The following COMP variants were observed in gnomAD, a reference collection of about 807,000 sequenced individuals.
COMP encodes cartilage oligomeric matrix protein (pseudoachondroplasia, epiphyseal dysplasia 1, multiple).
Under a neutral mutation model 95.8 loss-of-function variants are expected in COMP, and 79 were observed. That is an observed-to-expected ratio of 0.82 (90% CI 0.69 to 0.99). The LOEUF (loss-of-function observed/expected upper bound fraction) is 0.99. Ranked by LOEUF, COMP falls within the 50% of genes least tolerant of loss-of-function variation. COMP has a pLI of 0.00. For synonymous variants in COMP, 438 were observed against 433.9 expected (o/e 1.01, Z -0.12); for missense variants, 906 against 1,076.1 (o/e 0.84, Z 2.21).
Position 18,789,338 on chromosome 19 carries a change from C to G in COMP, c.391-41G>C. ...CCACAGAGGGTCAGAGGGCTTCGAG[C>G]TGGGCCCTGGGGGCCGCACCTCGTA... is the stretch of plus-strand genomic sequence containing the variant. On this transcript the variant is annotated intron_variant, in intron 4 of 18. Transcript: ENST00000222271. This position sits in a 1 kb window ranked among gnomAD's most constrained non-coding sequence, Gnocchi z 6.1. The G allele has an allele frequency of 7.0e-7, 1 of 1,433,170 alleles. No individual in the cohort carries two copies. The highest frequency in any genetic ancestry group is 9.2e-7 in the Non-Finnish European group (1 of 1,092,076). 88.8% of individuals were successfully genotyped at this position (1,433,170 alleles called of 1,614,324 possible).
chr19:18,788,551 G>A lies in COMP; in HGVS notation c.763-37C>T, dbSNP rs951990568. 18 of 1,555,990 alleles carry A rather than the reference G, an allele frequency of 1.2e-5. No individual in the cohort carries two copies. Among genetic ancestry groups the A allele is most frequent in the East Asian group, 2.4e-5 (1 of 41,130 alleles). ...TGTAAGTGGGTGCCCTGGAGTGGCC[G>A]CCACCCAACCCCGCCTCAAGCCCAG... On this transcript the variant is annotated intron_variant, in intron 7 of 18. Transcript: ENST00000222271. This position sits in a 1 kb window ranked among gnomAD's most constrained non-coding sequence, Gnocchi z 4.7.
At chr19:18,787,762 C>T (rs949273105) in intron 9 of COMP, 112 bp from the exon 10 acceptor site, 5 of 1,464,104 alleles carry the variant, frequency 3.4e-6, no homozygotes, top group Non-Finnish European at 3.8e-6. Flanking sequence ...CCTTTCGCCC[C>T]TCCTAGACCA....
Position 18,782,813 on chromosome 19 carries a change from C to A in COMP, c.*102G>T. Reference sequence around the variant, plus strand: ...TTTATTTTGTCCTCTCTGAGCCCTTCTCACTTCCCCCTCAGGACGGCCACC... The same window carrying A: ...TTTATTTTGTCCTCTCTGAGCCCTTATCACTTCCCCCTCAGGACGGCCACC... On this transcript the variant is annotated 3_prime_UTR_variant, in exon 19 of 19. Transcript: ENST00000222271. The A allele has an allele frequency of 7.5e-7, 1 of 1,339,256 alleles. No homozygotes were observed. Among genetic ancestry groups the A allele is most frequent in the Non-Finnish European group, 1.1e-6 (1 of 947,622 alleles). 83.0% of individuals were successfully genotyped at this position (1,339,256 alleles called of 1,614,324 possible).
rs986984082 is a variant in COMP at position 18,784,585 on chromosome 19, G to A, written c.1915-222C>T. Among the ~76,000 whole-genome samples the A allele has an allele frequency of 6.6e-6, 1 of 152,136 alleles. No individual in the cohort carries two copies. Among genetic ancestry groups the A allele is most frequent in the Non-Finnish European group, 1.5e-5 (1 of 68,024 alleles). On this transcript the variant is annotated intron_variant, in intron 16 of 18. Coordinates refer to ENST00000222271, the MANE Select transcript of COMP (RefSeq NM_000095.3). This position sits in a 1 kb window ranked among gnomAD's most constrained non-coding sequence, Gnocchi z 4.9. The stretch of plus-strand genomic sequence containing the variant: ...GGTTCATGAGAGGATTTGGGAGTCC[G>A]TGGACAGATTCAGGGTCTGGGAGGA...
Position 18,787,732 on chromosome 19 carries a change from C to T in COMP, c.976-82G>A, listed in dbSNP as rs1400693223. The T allele has an allele frequency of 2.5e-6, 4 of 1,580,742 alleles. No individual in the cohort carries two copies. The African/African-American group carries it at 5.4e-5, about 21-fold the overall frequency. On this transcript the variant is annotated intron_variant, in intron 9 of 18. Transcript: ENST00000222271. ...CCTCAGATTCCCAAATCTCCGAGGA[C>T]GCGTCTCCTCCTCAAGGAACCTTTC... is the stretch of plus-strand genomic sequence containing the variant.
At chr19:18,787,417 C>G (rs369968743) in intron 10 of COMP, 74 bp downstream of exon 10, 6 of 1,594,370 alleles carry the variant, frequency 3.8e-6, no homozygotes, top group Non-Finnish European at 5.1e-6. Context: ...ACCAGCCAAG[C>G]CCCGCCCCGG....
chr19:18,785,243 C>G (rs897441064), intron 15 of COMP, 151 bp from the exon 16 acceptor site: 63 of 922,654 alleles, frequency 6.8e-5, no homozygotes, highest in South Asian at 5.2e-4. Context: ...GCCACGCCCC[C>G]CATCTACCAT....
At position 18,786,664 on chromosome 19, in the gene COMP, C is replaced by T. The variant is rs968379251; in HGVS notation, c.1136-14G>A. 8.1e-6 allele frequency: 13 copies of T among 1,601,842 alleles called. No homozygotes were observed. The African/African-American group carries it at 1.2e-4, about 15-fold the overall frequency. ...GGTTGCGGATCCCTGCAGAAATCCA[C>T]GGGACCAGAGCCCCAAGATTGGGAC... On this transcript the variant is annotated splice_polypyrimidine_tract_variant and intron_variant, in intron 10 of 18. Coordinates refer to ENST00000222271, the MANE Select transcript of COMP (RefSeq NM_000095.3).
chr19:18,788,075 TG>T lies in COMP; in HGVS notation c.975+136del, dbSNP rs1419909234. 3 of 753,320 alleles carry T rather than the reference TG, an allele frequency of 4.0e-6. No individual in the cohort carries two copies. In the African/African-American group the frequency reaches 5.2e-5, roughly 13 times the overall value. The allele number at this position is 753,320 out of a possible 1,614,324, so 46.7% of individuals were successfully genotyped here. A position where few individuals can be genotyped will look rare whatever the true frequency, so the allele number is the denominator to read the frequency against. On this transcript the variant is annotated intron_variant, in intron 9 of 18. Coordinates refer to ENST00000222271, the MANE Select transcript of COMP (RefSeq NM_000095.3). The surrounding 1 kb of genome is among the most constrained non-coding windows in gnomAD (Gnocchi z 4.7). ...TGCACCACCACGCCCCGCTAATTTTTGTATTTTTAGTAGAGGAGGGGTTTCA... is the reference window on the plus strand; with the variant it reads ...TGCACCACCACGCCCCGCTAATTTTTTATTTTTAGTAGAGGAGGGGTTTCA...
In COMP at chr19:18,788,395, T is replaced by TC; in HGVS notation, c.867+14dup. On this transcript the variant is annotated intron_variant, in intron 8 of 18. Coordinates refer to ENST00000222271, the MANE Select transcript of COMP (RefSeq NM_000095.3). The surrounding 1 kb of genome is among the most constrained non-coding windows in gnomAD (Gnocchi z 4.7). Reference sequence around the variant, plus strand: ...TCCCTCCTGCCCAAGCCCGCCCCGCTCCGCCCCCACCCACCTTACGGCACT... The same window carrying TC: ...TCCCTCCTGCCCAAGCCCGCCCCGCTCCCGCCCCCACCCACCTTACGGCACT... 1 of 801,126 alleles carries TC rather than the reference T, an allele frequency of 1.2e-6. No homozygotes were observed. 49.6% of individuals were successfully genotyped at this position (801,126 alleles called of 1,614,324 possible).
rs768139579 is a variant in COMP, at chr19:18,782,918, G to C, written c.2271C>G (p.Ala757=). ...CGGCGGGTCCTCACCCTGGTCCCTA[G>C]GCTTGCCGCAGCTGATGGGTCTCAT... ...EDYETHQLRQ[A] is the part of the protein sequence containing the mutation. Residue 757 remains alanine (A), a synonymous_variant, in exon 19 of 19, where the codon GCC becomes GCG. Transcript: ENST00000222271. 2 of 1,611,736 alleles carry C rather than the reference G, an allele frequency of 1.2e-6. No individual in the cohort carries two copies. The highest frequency in any genetic ancestry group is 1.7e-6 in the Non-Finnish European group (2 of 1,179,986).
chr19:18,788,000 T>C (rs1234677451), intron 9 of COMP, among the ~76,000 whole-genome samples: 1 of 150,444 alleles, frequency 6.6e-6, no homozygotes, highest in African/African-American at 2.5e-5. Flanking sequence ...GCCTCCCGGG[T>C]TCAAGCGATT....
chr19:18,785,162 C>G, intron 15 of COMP, 70 bp from the exon 16 acceptor site: 1 of 1,457,194 alleles, frequency 6.9e-7, no homozygotes, highest in South Asian at 1.1e-5. Flanking sequence ...GCACCCAGAA[C>G]CCAAACCTGC....
At chr19:18,787,253 T>C (rs1449107513) in intron 10 of COMP, among the ~76,000 whole-genome samples, 1 of 152,234 alleles carries the variant, frequency 6.6e-6, no homozygotes, top group Non-Finnish European at 1.5e-5. Context: ...GTCCTCTTAA[T>C]TCCTGCCTGC....
At position 18,786,670 on chromosome 19, in the gene COMP, C is replaced by G. The variant is rs2055169769; in HGVS notation, c.1136-20G>C. The G allele has an allele frequency of 8.1e-6, 13 of 1,599,056 alleles. No homozygotes were observed. In the East Asian group the frequency reaches 2.9e-4, roughly 36 times the overall value. ...GGATCCCTGCAGAAATCCACGGGAC[C>G]AGAGCCCCAAGATTGGGACCAGGCC... On this transcript the variant is annotated intron_variant, in intron 10 of 18. Coordinates refer to ENST00000222271, the MANE Select transcript of COMP (RefSeq NM_000095.3).
At chr19:18,785,639 G>A in intron 14 of COMP, 34 bp downstream of exon 14, 1 of 1,613,420 alleles carries the variant, frequency 6.2e-7, no homozygotes, top group Admixed American at 1.7e-5. Flanking sequence ...GGGTTCTAGG[G>A]TCCCATCACC....
intron 2 of COMP, 109 bp downstream of exon 2, chr19:18,790,741 T>C: frequency 6.2e-7 from 1 of 1,605,982 alleles, no homozygotes; most frequent in Non-Finnish European, 8.5e-7. Flanking sequence ...CCGACCCCCT[T>C]CCCTCCCCAT....
rs376980299 is a variant in COMP, at chr19:18,787,676, G to A, written c.976-26C>T. On this transcript the variant is annotated intron_variant, in intron 9 of 18. Coordinates refer to ENST00000222271, the MANE Select transcript of COMP (RefSeq NM_000095.3). ...CTGGATGACAGGGTGGGTTAAGGGT[G>A]AGATCAGGTCGAGAAGGCAAAGGTC... 62 of 1,612,462 alleles carry A rather than the reference G, an allele frequency of 3.8e-5. No homozygotes were observed. The African/African-American group carries it at 7.7e-4, about 20-fold the overall frequency.
At position 18,785,671 on chromosome 19, in the gene COMP, A is replaced by T; in HGVS notation, c.1668+2T>A. 1 of 1,613,214 alleles carries T rather than the reference A, an allele frequency of 6.2e-7. No homozygotes were observed. Among genetic ancestry groups the T allele is most frequent in the Non-Finnish European group, 8.5e-7 (1 of 1,179,994 alleles). Reference sequence around the variant, plus strand: ...CACCCCCCACGTGGACCCCGCTCCCACCTGGTTGAGCACCACCCAGTTGGG... The same window carrying T: ...CACCCCCCACGTGGACCCCGCTCCCTCCTGGTTGAGCACCACCCAGTTGGG... On this transcript the variant is annotated splice_donor_variant, in intron 14 of 18. Transcript: ENST00000222271. LOFTEE classifies it high-confidence loss of function.
Sources: allele counts gnomAD v4.1 joint callset (sites outside exome capture counted in the v4.1 genomes callset), GRCh38; gene constraint gnomAD v4.1.1; non-coding constraint Gnocchi (gnomAD v3.1); transcripts MANE v1.5; gene names NCBI Gene and HGNC (gene_info 2026-07-23, HGNC 2026-07-21).